The following GALE variants were observed in gnomAD, a reference collection of about 807,000 sequenced individuals.
The protein encoded by GALE is UDP-galactose-4-epimerase.
GALE carries 32 observed loss-of-function variants against 44.1 expected under a neutral mutation model. The observed-to-expected ratio is 0.73, with a 90% CI of 0.55 to 0.97. GALE has a LOEUF of 0.97. GALE is among the 50% of genes least tolerant of loss of function. GALE has a pLI of 0.00. For synonymous variants in GALE, 182 were observed against 183.5 expected, an observed-to-expected ratio of 0.99 and a Z score of 0.06; for missense variants, 423 against 455.6, an observed-to-expected ratio of 0.93 and a Z score of 0.65.
Position 23,798,094 on chromosome 1 carries a change from G to T in GALE, c.351+23C>A. ...CCAGCTGGACACCCTCCTAGTGTCTGTGCCCTGTCCCATGCCTCTCACCTC... is the reference window on the plus strand; with the variant it reads ...CCAGCTGGACACCCTCCTAGTGTCTTTGCCCTGTCCCATGCCTCTCACCTC... On this transcript the variant is annotated intron_variant, in intron 5 of 11. Transcript: ENST00000617979. This position sits in a 1 kb window ranked among gnomAD's most constrained non-coding sequence, Gnocchi z 4.5. 1.3e-6 allele frequency: 2 copies of T among 1,573,242 alleles called. No individual in the cohort carries two copies. Among genetic ancestry groups the T allele is most frequent in the South Asian group, 2.2e-5 (2 of 90,278 alleles).
chr1:23,798,317 T>C lies in GALE; in HGVS notation c.238-87A>G. ...CCTGCCTGCCTGCACTCACCTTTTT[T>C]TTTTTTTTTGACAGTCTCGCTCTGT... On this transcript the variant is annotated intron_variant, in intron 4 of 11. Transcript: ENST00000617979. This position sits in a 1 kb window ranked among gnomAD's most constrained non-coding sequence, Gnocchi z 4.5. 1.0e-6 allele frequency: 1 copy of C among 974,786 alleles called. No individual in the cohort carries two copies. The highest frequency in any genetic ancestry group is 1.6e-6 in the Non-Finnish European group (1 of 616,130). 60.4% of individuals were successfully genotyped at this position (974,786 alleles called of 1,614,324 possible).
chr1:23,799,573 C>T, intron 1 of GALE, 137 bp from the exon 2 acceptor site: 1 of 180,790 alleles, frequency 5.5e-6, no homozygotes, highest in East Asian at 1.5e-4. Context: ...TGACTAATAC[C>T]TCCTGCTCTA....
In GALE at chr1:23,798,852, C is replaced by T. The variant is rs373419146; in HGVS notation, c.121+35G>A. Reference sequence around the variant, plus strand: ...AACCCAGGGTTTTGCTTCTGCCATCCCCTCAAGTAGCCCCAGCCCCACTGC... The same window carrying T: ...AACCCAGGGTTTTGCTTCTGCCATCTCCTCAAGTAGCCCCAGCCCCACTGC... On this transcript the variant is annotated intron_variant, in intron 3 of 11. Coordinates refer to ENST00000617979, the MANE Select transcript of GALE (RefSeq NM_001008216.2). This position sits in a 1 kb window ranked among gnomAD's most constrained non-coding sequence, Gnocchi z 4.5. 13 of 1,614,014 alleles carry T rather than the reference C, an allele frequency of 8.1e-6. No homozygotes were observed. Among genetic ancestry groups the T allele is most frequent in the African/African-American group, 1.3e-5 (1 of 74,918 alleles).
At position 23,796,468 on chromosome 1, in the gene GALE, T is replaced by C. The variant is rs746610404; in HGVS notation, c.873+41A>G. 1 of 835,246 alleles carries C rather than the reference T, an allele frequency of 1.2e-6. No individual in the cohort carries two copies. The highest frequency in any genetic ancestry group is 1.5e-6 in the Non-Finnish European group (1 of 652,932). The allele number at this position is 835,246 out of a possible 1,614,324, so 51.7% of individuals were successfully genotyped here. A position where few individuals can be genotyped will look rare whatever the true frequency, so the allele number is the denominator to read the frequency against. On this transcript the variant is annotated intron_variant, in intron 10 of 11. Coordinates refer to ENST00000617979, the MANE Select transcript of GALE (RefSeq NM_001008216.2). This position sits in a 1 kb window ranked among gnomAD's most constrained non-coding sequence, Gnocchi z 5.2. The stretch of plus-strand genomic sequence containing the variant: ...AGCTGCTCTGTTGCTGAGAGCTGGG[T>C]GGGGTGAGGTGGGTGAGGTGGGTGG...
At chr1:23,800,338 A>G (rs2148413787) in intron 1 of GALE, 1 of 152,570 alleles carries the variant, frequency 6.6e-6, no homozygotes, top group East Asian at 1.9e-4. Flanking sequence ...GGCCCTGGGA[A>G]GCACGAAAGC....
chr1:23,798,311 CTTTTT>C lies in GALE; in HGVS notation c.238-86_238-82del. 3.8e-6 allele frequency: 3 copies of C among 792,504 alleles called. No individual in the cohort carries two copies. The highest frequency in any genetic ancestry group is 6.2e-6 in the Non-Finnish European group (3 of 487,784). 49.1% of individuals were successfully genotyped at this position (792,504 alleles called of 1,614,324 possible). On this transcript the variant is annotated intron_variant, in intron 4 of 11. Transcript: ENST00000617979. This position sits in a 1 kb window ranked among gnomAD's most constrained non-coding sequence, Gnocchi z 4.5. The stretch of plus-strand genomic sequence containing the variant: ...CCTCAGCCTGCCTGCCTGCACTCAC[CTTTTT>C]TTTTTTTTTTGACAGTCTCGCTCTG...
At chr1:23,800,174 G>C (rs1245840860) in intron 1 of GALE, 1 of 152,348 alleles carries the variant, frequency 6.6e-6, no homozygotes, top group Non-Finnish European at 1.5e-5. Context: ...GGCGACAGCG[G>C]GCTGGAATCT....
In GALE at chr1:23,796,075, C is replaced by T. The variant is rs1466488398; in HGVS notation, c.989-68G>A. On this transcript the variant is annotated intron_variant, in intron 11 of 11. Transcript: ENST00000617979. This position sits in a 1 kb window ranked among gnomAD's most constrained non-coding sequence, Gnocchi z 5.2. The stretch of plus-strand genomic sequence containing the variant: ...GCAGAGCCTCCCCCACCCCACAGCC[C>T]GCCCTGGGTGGGCATGCCCAGATCT... 27 of 1,601,530 alleles carry T rather than the reference C, an allele frequency of 1.7e-5. No individual in the cohort carries two copies. The highest frequency in any genetic ancestry group is 3.3e-5 in the Admixed American group (2 of 59,790).
At position 23,796,068 on chromosome 1, in the gene GALE, C is replaced by T; in HGVS notation, c.989-61G>A. The T allele has an allele frequency of 1.9e-6, 3 of 1,604,106 alleles. No individual in the cohort carries two copies. Among genetic ancestry groups the T allele is most frequent in the East Asian group, 2.2e-5 (1 of 44,744 alleles). ...GTGGAATGCAGAGCCTCCCCCACCC[C>T]ACAGCCCGCCCTGGGTGGGCATGCC... On this transcript the variant is annotated intron_variant, in intron 11 of 11. Coordinates refer to ENST00000617979, the MANE Select transcript of GALE (RefSeq NM_001008216.2). The surrounding 1 kb of genome is among the most constrained non-coding windows in gnomAD (Gnocchi z 5.2).
At chr1:23,799,040 T>C in intron 2 of GALE, 28 bp from the exon 3 acceptor site, 1 of 1,613,918 alleles carries the variant, frequency 6.2e-7, no homozygotes, top group South Asian at 1.1e-5. Flanking sequence ...GTCTCAGAGG[T>C]GGCTGAGGCT....
At position 23,796,184 on chromosome 1, in the gene GALE, C is replaced by T. The variant is rs752384408; in HGVS notation, c.955G>A (p.Gly319Arg). 8 of 1,614,144 alleles carry T rather than the reference C, an allele frequency of 5.0e-6. No individual in the cohort carries two copies. In the East Asian group the frequency reaches 1.1e-4, roughly 22 times the overall value. The change falls in exon 11 of 12, where the codon GGG becomes AGG. Residue 319 changes from glycine (G) to arginine (R), a missense_variant. By Grantham distance (125) the Gly-to-Arg change is moderately radical. Transcript: ENST00000617979. This position sits in a 1 kb window ranked among gnomAD's most constrained non-coding sequence, Gnocchi z 5.2. ...TCCAGCCCTAAGGCTGCTGTCCACCCCAGCTCCTCTTGGGCCAGGCTGGGG... is the reference window on the plus strand; with the variant it reads ...TCCAGCCCTAAGGCTGCTGTCCACCTCAGCTCCTCTTGGGCCAGGCTGGGG... ...ANPSLAQEEL[G>R]WTAALGLDRM... is the part of the protein sequence containing the mutation.
rs150326189 is a variant in GALE, at chr1:23,796,160, C to T, written c.979G>A (p.Asp327Asn). The T allele has an allele frequency of 1.2e-6, 2 of 1,613,788 alleles. No homozygotes were observed. The highest frequency in any genetic ancestry group is 4.5e-5 in the East Asian group (2 of 44,880). Reference sequence around the variant, plus strand: ...TCAGGCCAGCACTCACACATCCTGTCCAGCCCTAAGGCTGCTGTCCACCCC... The same window carrying T: ...TCAGGCCAGCACTCACACATCCTGTTCAGCCCTAAGGCTGCTGTCCACCCC... The part of the protein sequence containing the change: ...ELGWTAALGL[D>N]RMCEDLWRWQ... Residue 327 changes from aspartate (D) to asparagine (N), a missense_variant, in exon 11 of 12, where the codon GAC becomes AAC. Physicochemically the swap from Asp to Asn is conservative, Grantham distance 23. Transcript: ENST00000617979. This position sits in a 1 kb window ranked among gnomAD's most constrained non-coding sequence, Gnocchi z 5.2.
Position 23,795,997 on chromosome 1 carries a change from G to C in GALE, c.999C>G (p.Leu333=), listed in dbSNP as rs1477100410. ...AAGGATTCTGCTTCTGCCAGCGCCA[G>C]AGATCCTCACCTGCAACACGGCGAG... is the stretch of plus-strand genomic sequence containing the variant. ...ALGLDRMCED[L]WRWQKQNPSG... is the part of the protein sequence containing the mutation. Residue 333 remains leucine, a synonymous_variant, in exon 12 of 12, where the codon CTC becomes CTG. Transcript: ENST00000617979. 10 of 1,613,932 alleles carry C rather than the reference G, an allele frequency of 6.2e-6. No individual in the cohort carries two copies. Among genetic ancestry groups the C allele is most frequent in the African/African-American group, 1.3e-5 (1 of 74,944 alleles).
rs1006718348 is a variant in GALE, at chr1:23,798,403, C to T, written c.238-173G>A. The T allele has an allele frequency of 1.4e-5, 10 of 705,602 alleles. No homozygotes were observed. In the African/African-American group the frequency reaches 1.8e-4, roughly 12 times the overall value. 43.7% of individuals were successfully genotyped at this position (705,602 alleles called of 1,614,324 possible). A position where few individuals can be genotyped will look rare whatever the true frequency, so the allele number is the denominator to read the frequency against. On this transcript the variant is annotated intron_variant, in intron 4 of 11. Transcript: ENST00000617979. This position sits in a 1 kb window ranked among gnomAD's most constrained non-coding sequence, Gnocchi z 4.5. ...CACCGCAACCTCCACCTCCCAGGCT[C>T]AAGCCATCCTCCCATGCCAGCCTCC...
chr1:23,796,042 G>C lies in GALE; in HGVS notation c.989-35C>G, dbSNP rs201592765. The C allele has an allele frequency of 6.2e-7, 1 of 1,611,746 alleles. No individual in the cohort carries two copies. The highest frequency in any genetic ancestry group is 1.1e-5 in the South Asian group (1 of 90,884). On this transcript the variant is annotated intron_variant, in intron 11 of 11. Coordinates refer to ENST00000617979, the MANE Select transcript of GALE (RefSeq NM_001008216.2). The surrounding 1 kb of genome is among the most constrained non-coding windows in gnomAD (Gnocchi z 5.2). ...GGCGAGGTGTGTGCTCAGGGCCCACGGTGGAATGCAGAGCCTCCCCCACCC... is the reference window on the plus strand; with the variant it reads ...GGCGAGGTGTGTGCTCAGGGCCCACCGTGGAATGCAGAGCCTCCCCCACCC...
Position 23,796,521 on chromosome 1 carries a change from G to C in GALE, c.861C>G (p.Ala287=), listed in dbSNP as rs3180548. 1.2e-6 allele frequency: 2 copies of C among 1,613,312 alleles called. No individual in the cohort carries two copies. The highest frequency in any genetic ancestry group is 1.7e-6 in the Non-Finnish European group (2 of 1,179,996). Reference sequence around the variant, plus strand: ...CGGGGGGGCCTACCTTCTTCCCAGAGGCCTTCTCCATAGCCTGGACCATCT... The same window carrying C: ...CGGGGGGGCCTACCTTCTTCCCAGACGCCTTCTCCATAGCCTGGACCATCT... ...VLQMVQAMEK[A]SGKKIPYKVV... Residue 287 remains alanine, a synonymous_variant, in exon 10 of 12, where the codon GCC becomes GCG. Transcript: ENST00000617979. This position sits in a 1 kb window ranked among gnomAD's most constrained non-coding sequence, Gnocchi z 5.2.
At position 23,798,957 on chromosome 1, in the gene GALE, G is replaced by C; in HGVS notation, c.51C>G (p.His17Gln). 1.2e-6 allele frequency: 2 copies of C among 1,614,148 alleles called. No homozygotes were observed. The highest frequency in any genetic ancestry group is 1.7e-6 in the Non-Finnish European group (2 of 1,180,022). The change falls in exon 3 of 12, where the codon CAC (histidine) becomes CAG (glutamine). Residue 17 changes from histidine to glutamine, a missense_variant. Coordinates refer to ENST00000617979, the MANE Select transcript of GALE (RefSeq NM_001008216.2). The surrounding 1 kb of genome is among the most constrained non-coding windows in gnomAD (Gnocchi z 4.5). Reference sequence around the variant, plus strand: ...CAGCCTCCAGCAGCTCCAGCACCGTGTGGCTGCCAATGTAGCCAGCCCCAC... The same window carrying C: ...CAGCCTCCAGCAGCTCCAGCACCGTCTGGCTGCCAATGTAGCCAGCCCCAC... Reference protein sequence around the residue: ...VTGGAGYIGSHTVLELLEAGY... With the variant: ...VTGGAGYIGSQTVLELLEAGY...
chr1:23,796,037 C>A lies in GALE; in HGVS notation c.989-30G>T. On this transcript the variant is annotated intron_variant, in intron 11 of 11. Coordinates refer to ENST00000617979, the MANE Select transcript of GALE (RefSeq NM_001008216.2). This position sits in a 1 kb window ranked among gnomAD's most constrained non-coding sequence, Gnocchi z 5.2. Reference sequence around the variant, plus strand: ...AACACGGCGAGGTGTGTGCTCAGGGCCCACGGTGGAATGCAGAGCCTCCCC... The same window carrying A: ...AACACGGCGAGGTGTGTGCTCAGGGACCACGGTGGAATGCAGAGCCTCCCC... 1 of 1,612,744 alleles carries A rather than the reference C, an allele frequency of 6.2e-7. No individual in the cohort carries two copies. The highest frequency in any genetic ancestry group is 8.5e-7 in the Non-Finnish European group (1 of 1,179,138).
chr1:23,796,319 T>C lies in GALE; in HGVS notation c.874-54A>G, dbSNP rs1464114591. The C allele has an allele frequency of 6.5e-7, 1 of 1,541,744 alleles. No individual in the cohort carries two copies. The highest frequency in any genetic ancestry group is 9.0e-7 in the Non-Finnish European group (1 of 1,114,054). On this transcript the variant is annotated intron_variant, in intron 10 of 11. Transcript: ENST00000617979. This position sits in a 1 kb window ranked among gnomAD's most constrained non-coding sequence, Gnocchi z 5.2. The stretch of plus-strand genomic sequence containing the variant: ...GCTGAGCCGGCCCTGGCCCAGCTGC[T>C]GGCCAGGTCTTTAAGAAGCAGAAGT...
Sources: allele counts gnomAD v4.1 joint callset, GRCh38; gene constraint gnomAD v4.1.1; non-coding constraint Gnocchi (gnomAD v3.1); transcripts MANE v1.5; gene names NCBI Gene and HGNC (gene_info 2026-07-23, HGNC 2026-07-21).